The following SNTG1 variants were observed in gnomAD, a reference collection of about 807,000 sequenced individuals.
The protein encoded by SNTG1 is gamma-1-syntrophin.
A neutral mutation model predicts 74.7 loss-of-function variants in SNTG1; 39 were observed. That is an observed-to-expected ratio of 0.52 (90% CI 0.40 to 0.68). The LOEUF is 0.68. Among genes scored for constraint, SNTG1 ranks in the 30% least tolerant of loss-of-function variants. The probability of loss-of-function intolerance (pLI) is 0.00; values close to 1 mark genes in which losing one functional copy is unlikely to be tolerated. For missense variants in SNTG1, 685 were observed against 609.5 expected (o/e 1.12, Z -1.30); for synonymous variants, 254 against 217.1 (o/e 1.17, Z -1.49).
chr8:50,531,281 C>A (rs919368360), intron 10 of SNTG1, among the ~76,000 whole-genome samples: 3 of 151,690 alleles, frequency 2.0e-5, no homozygotes, highest in African/African-American at 7.2e-5. Flanking sequence ...GGGATATTTT[C>A]TAAAACCATC....
chr8:50,550,749 A>G (rs1316001931), intron 11 of SNTG1, among the ~76,000 whole-genome samples: 1 of 151,980 alleles, frequency 6.6e-6, no homozygotes, highest in African/African-American at 2.4e-5. Context: ...GTTACCGTTA[A>G]TGCTGTAAAA....
intron 11 of SNTG1, among the ~76,000 whole-genome samples, chr8:50,548,379 G>T (rs2094402715): frequency 6.6e-6 from 1 of 152,122 alleles, no homozygotes; most frequent in Non-Finnish European, 1.5e-5. Flanking sequence ...AAGGTAATTT[G>T]GTGGTGATGG....
chr8:50,111,339 T>C (rs1464967572), intron 1 of SNTG1, among the ~76,000 whole-genome samples: 1 of 152,046 alleles, frequency 6.6e-6, no homozygotes, highest in East Asian at 1.9e-4. Flanking sequence ...CGTCATAAGG[T>C]GGGGGTCTTA....
intron 1 of SNTG1, among the ~76,000 whole-genome samples, chr8:49,938,592 C>CTTTTTTTTT (rs1244932981): frequency 1.7e-4 from 3 of 18,102 alleles, no homozygotes; most frequent in Admixed American, 1.6e-3. Flanking sequence ...CTTTTCTTTT[C>CTTTTTTTTT]TTTTCTTTTC....
rs956545469 is a variant in SNTG1, at chr8:50,670,502, T to C, written c.1038+11839T>C. On this transcript the variant is annotated intron_variant, in intron 15 of 18. Coordinates refer to ENST00000642720, the MANE Select transcript of SNTG1 (RefSeq NM_018967.5). ...ACTTACAAGGGATGTGAAGGACCTC[T>C]TCAAGGAGAACTACAAACCACTTCT... Among the ~76,000 whole-genome samples the C allele has an allele frequency of 1.0e-3, 154 of 151,130 alleles. 3 individuals are homozygous for C. Among genetic ancestry groups the C allele is most frequent in the African/African-American group, 3.6e-3 (146 of 40,772 alleles).
intron 13 of SNTG1, among the ~76,000 whole-genome samples, chr8:50,645,341 T>C (rs1207667421): frequency 7.0e-6 from 1 of 142,748 alleles, no homozygotes; most frequent in Non-Finnish European, 1.5e-5. Context: ...TATTATTTTG[T>C]AATTTTTTTT....
chr8:50,246,483 T>A (rs1004362995), intron 2 of SNTG1, among the ~76,000 whole-genome samples: 1 of 141,848 alleles, frequency 7.0e-6, no homozygotes, highest in Non-Finnish European at 1.5e-5. Flanking sequence ...CATTACTAAG[T>A]GAAGAAACAT....
intron 12 of SNTG1, among the ~76,000 whole-genome samples, chr8:50,579,947 C>T (rs927683258): frequency 6.6e-6 from 1 of 152,176 alleles, no homozygotes; most frequent in Non-Finnish European, 1.5e-5. Context: ...TCTCCACACC[C>T]CATAATGGTA....
intron 1 of SNTG1, among the ~76,000 whole-genome samples, chr8:50,115,577 A>AAAAAAAAAAAAAAAAAAAAAC (rs1554580686): frequency 8.9e-6 from 1 of 112,950 alleles, no homozygotes; most frequent in Non-Finnish European, 2.1e-5. Flanking sequence ...CAAAAAAAAA[A>AAAAAAAAAAAAAAAAAAAAAC]AAAAAAAAAA....
intron 1 of SNTG1, among the ~76,000 whole-genome samples, chr8:50,104,182 A>G (rs926203669): frequency 3.3e-5 from 5 of 152,114 alleles, no homozygotes; most frequent in African/African-American, 1.2e-4. Flanking sequence ...CTGTGAATCC[A>G]TCTGGTCTTG....
At chr8:50,675,989 C>T (rs2095308103) in intron 15 of SNTG1, among the ~76,000 whole-genome samples, 1 of 152,022 alleles carries the variant, frequency 6.6e-6, no homozygotes, top group South Asian at 2.1e-4. Flanking sequence ...AGAATTTCTG[C>T]TGAGAGATCC....
At chr8:50,666,539 T>C (rs527626309) in intron 15 of SNTG1, among the ~76,000 whole-genome samples, 1 of 152,152 alleles carries the variant, frequency 6.6e-6, no homozygotes, top group Non-Finnish European at 1.5e-5. Context: ...AATAAGTATT[T>C]GTAATTCACT....
chr8:49,952,215 A>G (rs1809784636), intron 1 of SNTG1, among the ~76,000 whole-genome samples: 1 of 152,206 alleles, frequency 6.6e-6, no homozygotes. Flanking sequence ...AAATAAAACA[A>G]TAAAGCAAGC....
chr8:49,935,891 CTG>C, intron 1 of SNTG1, among the ~76,000 whole-genome samples: 1 of 152,366 alleles, frequency 6.6e-6, no homozygotes, highest in East Asian at 1.9e-4. Context: ...TGAGGTATAA[CTG>C]TGCCTTTTCT....
chr8:50,465,487 T>C (rs553838503), intron 8 of SNTG1, among the ~76,000 whole-genome samples: 1 of 152,162 alleles, frequency 6.6e-6, no homozygotes, highest in Non-Finnish European at 1.5e-5. Flanking sequence ...AAGTTAACTC[T>C]TTGATTGTAA....
chr8:50,259,213 A>C (rs1012725990), intron 2 of SNTG1, among the ~76,000 whole-genome samples: 4 of 152,094 alleles, frequency 2.6e-5, no homozygotes, highest in Non-Finnish European at 5.9e-5. Context: ...ACATTAAAGG[A>C]GAAAATCAGT....
At chr8:50,155,722 A>G (rs953486774) in intron 1 of SNTG1, among the ~76,000 whole-genome samples, 16 of 152,048 alleles carry the variant, frequency 1.1e-4, no homozygotes, top group African/African-American at 3.4e-4. Flanking sequence ...AAGGTTTATG[A>G]TAAAAACATC....
chr8:49,915,004 G>A (rs1369149050), intron 1 of SNTG1: 1 of 152,184 alleles, frequency 6.6e-6, no homozygotes, highest in African/African-American at 2.4e-5. Flanking sequence ...GCATGTGTTG[G>A]AAGAGACAAC....
At chr8:50,334,974 A>AT (rs1188486484) in intron 2 of SNTG1, among the ~76,000 whole-genome samples, 3 of 152,192 alleles carry the variant, frequency 2.0e-5, no homozygotes, top group African/African-American at 4.8e-5. Context: ...AAAGGAGACT[A>AT]TTTTTGTTCA....
Sources: gnomAD v4.1 joint callset for allele counts (sites outside exome capture counted in the v4.1 genomes callset) on GRCh38, gnomAD v4.1.1 for gene constraint, MANE v1.5 for transcripts, NCBI Gene and HGNC (gene_info 2026-07-23, HGNC 2026-07-21) for gene names.